The following CTNNA2 variants were observed in gnomAD, a reference collection of about 807,000 sequenced individuals.
CTNNA2 encodes the protein catenin alpha 2, also known as catenin alpha-2.
A neutral mutation model predicts 101.0 loss-of-function variants in CTNNA2; 42 were observed. The observed-to-expected ratio is 0.42, with a 90% CI of 0.32 to 0.54. The LOEUF (loss-of-function observed/expected upper bound fraction) is 0.54, where lower values mean the gene tolerates loss of function less well. Ranked by LOEUF, CTNNA2 falls within the 20% of genes least tolerant of loss-of-function variation. The pLI, the probability that CTNNA2 is intolerant of heterozygous loss-of-function variation, is 0.14. For synonymous variants in CTNNA2, 450 were observed against 456.4 expected (o/e 0.99, Z 0.18); for missense variants, 871 against 1,223.1 (o/e 0.71, Z 4.29).
intron 2 of CTNNA2, among the ~76,000 whole-genome samples, chr2:79,706,130 C>T (rs549819562): frequency 6.6e-6 from 1 of 152,014 alleles, no homozygotes; most frequent in Non-Finnish European, 1.5e-5. Context: ...TCTGGGAGGC[C>T]GAGGCAGGCG....
At chr2:79,883,966 T>C (rs1469738862) in intron 6 of CTNNA2, among the ~76,000 whole-genome samples, 1 of 152,158 alleles carries the variant, frequency 6.6e-6, no homozygotes, top group Non-Finnish European at 1.5e-5. Context: ...AAATATCAAT[T>C]TGTTTAATAT....
At chr2:80,578,342 C>T (rs574095868) in intron 13 of CTNNA2, among the ~76,000 whole-genome samples, 38 of 152,290 alleles carry the variant, frequency 2.5e-4, no homozygotes, top group African/African-American at 9.1e-4. Flanking sequence ...CTCTATCCTC[C>T]AGTACAGCGA....
At chr2:80,635,266 G>C (rs1672759940) in intron 18 of CTNNA2, among the ~76,000 whole-genome samples, 2 of 152,100 alleles carry the variant, frequency 1.3e-5, no homozygotes, top group Admixed American at 1.3e-4. Context: ...AAATGATTTG[G>C]AGGGCATTAT....
intron 3 of CTNNA2, among the ~76,000 whole-genome samples, chr2:79,796,353 C>T (rs1339289356): frequency 2.0e-5 from 3 of 147,612 alleles, no homozygotes; most frequent in Non-Finnish European, 3.0e-5. Context: ...CGCGATTGCG[C>T]CGCTGCATTC....
intron 4 of CTNNA2, among the ~76,000 whole-genome samples, chr2:79,391,652 C>A (rs1427867423): frequency 6.6e-6 from 1 of 152,078 alleles, no homozygotes; most frequent in Non-Finnish European, 1.5e-5. Flanking sequence ...CTATCATTAT[C>A]TTGATTTTAT....
At chr2:80,351,827 T>C (rs1161301572) in intron 7 of CTNNA2, among the ~76,000 whole-genome samples, 3 of 152,166 alleles carry the variant, frequency 2.0e-5, no homozygotes, top group Non-Finnish European at 2.9e-5. Flanking sequence ...ATTCTCACTC[T>C]TTCTCACTTT....
intron 9 of CTNNA2, among the ~76,000 whole-genome samples, chr2:80,469,297 C>T (rs536155842): frequency 6.6e-6 from 1 of 152,212 alleles, no homozygotes; most frequent in African/African-American, 2.4e-5. Context: ...CAGCCAGAAC[C>T]TCCAAGTAAT....
At chr2:79,495,840 CG>C (rs1381761040) in intron 4 of CTNNA2, among the ~76,000 whole-genome samples, 1 of 151,838 alleles carries the variant, frequency 6.6e-6, no homozygotes, top group Non-Finnish European at 1.5e-5. Flanking sequence ...TGAAAATATT[CG>C]AAGTGAAAGA....
intron 1 of CTNNA2, among the ~76,000 whole-genome samples, chr2:79,191,840 G>C (rs1226421059): frequency 6.6e-6 from 1 of 152,110 alleles, no homozygotes; most frequent in East Asian, 1.9e-4. Context: ...GTTCATTTTG[G>C]GGTACAGACT....
chr2:80,332,129 C>T (rs1671388298), intron 7 of CTNNA2, among the ~76,000 whole-genome samples: 1 of 152,134 alleles, frequency 6.6e-6, no homozygotes, highest in Admixed American at 6.6e-5. Context: ...CTGTCCTTCT[C>T]ACTTACATGT....
chr2:79,771,677 G>C (rs1196555125), intron 3 of CTNNA2, among the ~76,000 whole-genome samples: 1 of 152,172 alleles, frequency 6.6e-6, no homozygotes, highest in Non-Finnish European at 1.5e-5. Flanking sequence ...TCTGACAGGA[G>C]GCGGAGCTCA....
At chr2:79,298,234 G>C (rs758210416) in intron 2 of CTNNA2, among the ~76,000 whole-genome samples, 15 of 152,160 alleles carry the variant, frequency 9.9e-5, no homozygotes, top group Admixed American at 2.6e-4. Context: ...CAAATGGAGA[G>C]AGTGGGAGCA....
At chr2:79,415,377 T>A (rs1209748799) in intron 4 of CTNNA2, among the ~76,000 whole-genome samples, 1 of 152,144 alleles carries the variant, frequency 6.6e-6, no homozygotes, top group Non-Finnish European at 1.5e-5. Flanking sequence ...GCCTGAAGAA[T>A]GATGAGCCAA....
intron 4 of CTNNA2, among the ~76,000 whole-genome samples, chr2:79,411,916 G>A (rs1678416770): frequency 6.6e-6 from 1 of 152,010 alleles, no homozygotes; most frequent in African/African-American, 2.4e-5. Flanking sequence ...AAATATAAAT[G>A]GACTAAATGC....
At chr2:79,248,680 A>G (rs13386953) in intron 2 of CTNNA2, among the ~76,000 whole-genome samples, 1,834 of 152,196 alleles carry the variant, frequency 0.012, 32 homozygotes, top group African/African-American at 0.041. Context: ...TGGCAGCCCT[A>G]TGTGAGTCAA....
intron 7 of CTNNA2, among the ~76,000 whole-genome samples, chr2:80,028,541 G>A (rs930352982): frequency 2.6e-5 from 4 of 152,132 alleles, no homozygotes; most frequent in South Asian, 2.1e-4. Context: ...AGGAGAGGCC[G>A]AATAATGGCC....
intron 2 of CTNNA2, among the ~76,000 whole-genome samples, chr2:79,271,170 A>G (rs1325915087): frequency 1.3e-5 from 2 of 152,094 alleles, no homozygotes; most frequent in Non-Finnish European, 2.9e-5. Context: ...CCCTTTGGCG[A>G]TTCTTCTAGT....
chr2:79,223,171 A>C (rs1197480087), intron 2 of CTNNA2, among the ~76,000 whole-genome samples: 1 of 152,034 alleles, frequency 6.6e-6, no homozygotes, highest in Non-Finnish European at 1.5e-5. Context: ...AAAATAAATG[A>C]ATAAATAATA....
chr2:79,412,078 A>T (rs892343614), intron 4 of CTNNA2, among the ~76,000 whole-genome samples: 12 of 152,140 alleles, frequency 7.9e-5, no homozygotes, highest in African/African-American at 2.7e-4. Flanking sequence ...AAACAAAAAA[A>T]GGCAGGGGTT....
Sources: gnomAD v4.1 joint callset for allele counts (sites outside exome capture counted in the v4.1 genomes callset) on GRCh38, gnomAD v4.1.1 for gene constraint, MANE v1.5 for transcripts, NCBI Gene and HGNC (gene_info 2026-07-23, HGNC 2026-07-21) for gene names.